Variants in TRAPPC9 observed in about 807,000 individuals in gnomAD.
TRAPPC9 encodes trafficking protein particle complex subunit 9.
In TRAPPC9, 83 loss-of-function variants were observed where a neutral mutation model predicts 124.0. The observed-to-expected ratio is 0.67, with a 90% CI of 0.56 to 0.80. The LOEUF (loss-of-function observed/expected upper bound fraction) is 0.80. Among genes scored for constraint, TRAPPC9 ranks in the 30% least tolerant of loss-of-function variants. The pLI, the probability that TRAPPC9 is intolerant of heterozygous loss-of-function variation, is 0.00. For missense variants in TRAPPC9, 1,302 were observed against 1,508.3 expected (o/e 0.86, Z 2.27); for synonymous variants, 638 against 617.5 (o/e 1.03, Z -0.49).
At chr8:140,096,951 C>T (rs1256624027) in intron 17 of TRAPPC9, 1 of 152,610 alleles carries the variant, frequency 6.6e-6, no homozygotes, top group African/African-American at 2.4e-5. Flanking sequence ...CCTGCAGCAC[C>T]TCACAGTGCA....
intron 4 of TRAPPC9, among the ~76,000 whole-genome samples, chr8:140,433,951 T>C (rs565282727): frequency 6.6e-6 from 1 of 152,374 alleles, no homozygotes; most frequent in East Asian, 1.9e-4. Flanking sequence ...GACTGATTGC[T>C]GGTGGAGTCT....
At chr8:140,094,768 C>T (rs1478724562) in intron 17 of TRAPPC9, 1 of 152,300 alleles carries the variant, frequency 6.6e-6, no homozygotes, top group Non-Finnish European at 1.5e-5. Flanking sequence ...CCCAGCTCCA[C>T]CATTTCCCAG....
intron 17 of TRAPPC9, among the ~76,000 whole-genome samples, chr8:140,109,725 G>C (rs951208782): frequency 2.0e-5 from 3 of 152,142 alleles, no homozygotes; most frequent in African/African-American, 7.2e-5. Flanking sequence ...GCAAGTTATT[G>C]AACCTCTCAA....
intron 7 of TRAPPC9, among the ~76,000 whole-genome samples, chr8:140,387,105 G>C (rs1438635882): frequency 6.6e-6 from 1 of 152,102 alleles, no homozygotes; most frequent in Admixed American, 6.6e-5. Flanking sequence ...GGGAAAACTG[G>C]CCAGCCATAT....
chr8:140,285,718 A>T (rs1387467200), intron 13 of TRAPPC9, among the ~76,000 whole-genome samples: 1 of 137,118 alleles, frequency 7.3e-6, no homozygotes, highest in Non-Finnish European at 1.6e-5. Context: ...GACTCCCCCC[A>T]CAGCCCACCC....
At chr8:140,227,946 A>C (rs530734566) in intron 16 of TRAPPC9, among the ~76,000 whole-genome samples, 6 of 152,344 alleles carry the variant, frequency 3.9e-5, no homozygotes, top group East Asian at 1.9e-4. Flanking sequence ...AACTGACCCA[A>C]GGAATACATT....
chr8:139,972,894 G>A (rs1231524578), intron 19 of TRAPPC9, among the ~76,000 whole-genome samples: 3 of 152,170 alleles, frequency 2.0e-5, no homozygotes, highest in East Asian at 1.9e-4. Flanking sequence ...CTGATACTCC[G>A]TCCCAGACCC....
chr8:139,830,993 C>T (rs553132651), intron 21 of TRAPPC9, among the ~76,000 whole-genome samples: 3 of 152,340 alleles, frequency 2.0e-5, no homozygotes, highest in South Asian at 4.1e-4. Flanking sequence ...CAGCCTGTGC[C>T]GAATGCTCAC....
chr8:139,977,099 C>T (rs1836525401), intron 19 of TRAPPC9, among the ~76,000 whole-genome samples: 1 of 152,146 alleles, frequency 6.6e-6, no homozygotes, highest in African/African-American at 2.4e-5. Flanking sequence ...CACTTCCAAA[C>T]CTCAAGCAGT....
At chr8:140,234,995 A>G (rs1304934816) in intron 16 of TRAPPC9, among the ~76,000 whole-genome samples, 2 of 152,082 alleles carry the variant, frequency 1.3e-5, no homozygotes, top group Non-Finnish European at 2.9e-5. Context: ...TCTGCGTTGG[A>G]GTTTCACTCT....
intron 9 of TRAPPC9, among the ~76,000 whole-genome samples, chr8:140,315,574 G>A (rs1195468909): frequency 1.3e-5 from 2 of 152,146 alleles, no homozygotes; most frequent in African/African-American, 4.8e-5. Flanking sequence ...CTCAAAGAAC[G>A]AAGGTTTTCA....
chr8:139,765,803 T>C (rs900928400), intron 21 of TRAPPC9, among the ~76,000 whole-genome samples: 13 of 152,128 alleles, frequency 8.5e-5, no homozygotes, highest in Non-Finnish European at 1.5e-5. Flanking sequence ...CTCCGAGGTA[T>C]AACCCAGGAG....
chr8:139,898,448 C>T (rs1186161940), intron 20 of TRAPPC9, among the ~76,000 whole-genome samples: 1 of 152,184 alleles, frequency 6.6e-6, no homozygotes, highest in African/African-American at 2.4e-5. Flanking sequence ...CAGAAGAAAC[C>T]TGATGGTAGC....
intron 21 of TRAPPC9, among the ~76,000 whole-genome samples, chr8:139,816,752 G>A (rs1016348867): frequency 6.6e-5 from 10 of 151,926 alleles, no homozygotes; most frequent in Admixed American, 6.6e-5. Flanking sequence ...AATGCCAAGC[G>A]ACCCTTCCTG....
intron 19 of TRAPPC9, among the ~76,000 whole-genome samples, chr8:139,967,860 C>T (rs748860702): frequency 7.2e-5 from 11 of 152,070 alleles, no homozygotes; most frequent in South Asian, 2.1e-4. Flanking sequence ...CAATGGTGGC[C>T]GGGCGCGGTG....
intron 21 of TRAPPC9, among the ~76,000 whole-genome samples, chr8:139,840,298 T>G (rs1563854470): frequency 3.9e-5 from 6 of 152,236 alleles, no homozygotes. Flanking sequence ...CGGGGAAACT[T>G]CTGCCGCTTT....
At chr8:140,360,254 A>G in intron 8 of TRAPPC9, 61 bp from the exon 9 acceptor site, 1 of 1,607,722 alleles carries the variant, frequency 6.2e-7, no homozygotes, top group South Asian at 1.1e-5. Flanking sequence ...AAATACGGTT[A>G]ATCTAAGTTG....
At chr8:140,417,944 A>G (rs1372337209) in intron 5 of TRAPPC9, among the ~76,000 whole-genome samples, 4 of 152,226 alleles carry the variant, frequency 2.6e-5, no homozygotes, top group African/African-American at 4.8e-5. Context: ...CATCATTCTC[A>G]GCAAACTAAC....
At chr8:139,992,675 G>A (rs781417192) in intron 18 of TRAPPC9, among the ~76,000 whole-genome samples, 15 of 149,692 alleles carry the variant, frequency 1.0e-4, no homozygotes, top group Middle Eastern at 3.2e-3. Context: ...ATTGTTATAA[G>A]GCTGTAATCA....
Sources: gnomAD v4.1 joint callset for allele counts (sites outside exome capture counted in the v4.1 genomes callset) on GRCh38, gnomAD v4.1.1 for gene constraint, MANE v1.5 for transcripts, NCBI Gene and HGNC (gene_info 2026-07-23, HGNC 2026-07-21) for gene names.